CSMD1: variants seen among roughly 807,000 people sequenced by gnomAD.
CSMD1 encodes the protein CUB and Sushi multiple domains 1, also known as CUB and sushi domain-containing protein 1.
In CSMD1, 213 loss-of-function variants were observed where a neutral mutation model predicts 417.5. The observed-to-expected ratio is 0.51, with a 90% confidence interval of 0.46 to 0.57. The LOEUF is 0.57. Among genes scored for constraint, CSMD1 ranks in the 20% least tolerant of loss-of-function variants. CSMD1 has a pLI of 0.00. For synonymous variants in CSMD1, 2,862 were observed against 1,736.8 expected (o/e 1.65, Z -16.11); for missense variants, 6,923 against 4,529.7 (o/e 1.53, Z -15.17).
At chr8:3,731,825 C>T (rs747035575) in intron 6 of CSMD1, among the ~76,000 whole-genome samples, 3 of 152,124 alleles carry the variant, frequency 2.0e-5, no homozygotes, top group South Asian at 4.1e-4. Flanking sequence ...TTACTCCTCA[C>T]CACCCATGAG....
chr8:3,824,495 A>G (rs998537037), intron 5 of CSMD1, among the ~76,000 whole-genome samples: 2 of 152,176 alleles, frequency 1.3e-5, no homozygotes, highest in African/African-American at 2.4e-5. Flanking sequence ...ATTATCCACT[A>G]GCCATAAGCA....
At position 4,845,150 on chromosome 8, in the gene CSMD1, C is replaced by T. The variant is rs560221100; in HGVS notation, c.85+149182G>A. On this transcript the variant is annotated intron_variant, in intron 1 of 69. Coordinates refer to ENST00000635120, the MANE Select transcript of CSMD1 (RefSeq NM_033225.6). Reference sequence around the variant, plus strand: ...ATTAGTATATAAAAATTATCACTAACAATAATCACCTCTTATGAGAAGTAG... The same window carrying T: ...ATTAGTATATAAAAATTATCACTAATAATAATCACCTCTTATGAGAAGTAG... 3.9e-5 allele frequency among the ~76,000 whole-genome samples: 6 copies of T among 152,232 alleles called. No individual in the cohort carries two copies. The South Asian group carries it at 1.0e-3, about 26-fold the overall frequency.
chr8:4,707,531 G>C (rs144844752), intron 1 of CSMD1, among the ~76,000 whole-genome samples: 160 of 152,188 alleles, frequency 1.1e-3, no homozygotes, highest in African/African-American at 3.7e-3. Context: ...GTTAAATGGA[G>C]AGGCCGCTTG....
chr8:3,658,117 T>G (rs190270956), intron 7 of CSMD1, among the ~76,000 whole-genome samples: 261 of 152,150 alleles, frequency 1.7e-3, no homozygotes, highest in African/African-American at 6.0e-3. Context: ...TATCATCAAA[T>G]AAAAAACCAA....
rs58981515 is a variant in CSMD1 at position 2,936,370 on chromosome 8, A to AATATATATAT, written c.*2205_*2214dup. On this transcript the variant is annotated 3_prime_UTR_variant, in exon 70 of 70. Transcript: ENST00000635120. Reference sequence around the variant, plus strand: ...GAATGACTCAAACTTAGATATGTACAATATATATATATATATATGTATGTA... The same window carrying AATATATATAT: ...GAATGACTCAAACTTAGATATGTACAATATATATATATATATATATATATATATGTATGTA... The AATATATATAT allele has an allele frequency of 6.8e-5, 10 of 146,296 alleles. No homozygotes were observed. Among genetic ancestry groups the AATATATATAT allele is most frequent in the African/African-American group, 2.2e-4 (9 of 40,010 alleles). The allele number at this position is 146,296 out of a possible 1,614,324, so 9.1% of individuals were successfully genotyped here. A position where few individuals can be genotyped will look rare whatever the true frequency, so the allele number is the denominator to read the frequency against.
chr8:3,754,600 A>C (rs1797550528), intron 5 of CSMD1, among the ~76,000 whole-genome samples: 1 of 152,164 alleles, frequency 6.6e-6, no homozygotes, highest in South Asian at 2.1e-4. Flanking sequence ...GATTACAGGC[A>C]TGCGCCATCA....
intron 2 of CSMD1, among the ~76,000 whole-genome samples, chr8:4,452,925 T>G (rs540427262): frequency 6.6e-4 from 101 of 152,300 alleles, no homozygotes; most frequent in Non-Finnish European, 1.1e-3. Context: ...GGTAACAGCC[T>G]TTTTATTTTA....
intron 3 of CSMD1, among the ~76,000 whole-genome samples, chr8:4,306,900 A>G (rs1798279092): frequency 6.6e-6 from 1 of 152,104 alleles, no homozygotes. Flanking sequence ...TCCTTACGCT[A>G]AAAATATACT....
intron 23 of CSMD1, among the ~76,000 whole-genome samples, chr8:3,309,618 A>C (rs546209838): frequency 2.0e-5 from 3 of 147,364 alleles, no homozygotes; most frequent in Non-Finnish European, 3.0e-5. Context: ...AATTTTGACA[A>C]TTGTAAAAGG....
intron 11 of CSMD1, among the ~76,000 whole-genome samples, chr8:3,476,173 G>A (rs900407897): frequency 9.2e-5 from 14 of 152,124 alleles, no homozygotes; most frequent in African/African-American, 3.4e-4. Flanking sequence ...CGAGGCCTTG[G>A]CTCAACCAAA....
chr8:3,998,741 C>G (rs761139890), intron 4 of CSMD1, among the ~76,000 whole-genome samples: 5 of 151,856 alleles, frequency 3.3e-5, no homozygotes, highest in African/African-American at 4.8e-5. Flanking sequence ...AAAATAGAAA[C>G]TAACAATTAA....
intron 2 of CSMD1, among the ~76,000 whole-genome samples, chr8:4,616,718 G>T (rs912164296): frequency 6.6e-6 from 1 of 152,128 alleles, no homozygotes; most frequent in Non-Finnish European, 1.5e-5. Context: ...TTATCCAATG[G>T]TGATGATCAT....
At chr8:3,489,714 G>A (rs887507894) in intron 11 of CSMD1, among the ~76,000 whole-genome samples, 1 of 152,140 alleles carries the variant, frequency 6.6e-6, no homozygotes, top group South Asian at 2.1e-4. Flanking sequence ...AACAAAATGA[G>A]AAGTCATTGC....
intron 3 of CSMD1, among the ~76,000 whole-genome samples, chr8:4,241,204 T>C (rs1292909147): frequency 6.6e-6 from 1 of 152,136 alleles, no homozygotes; most frequent in Non-Finnish European, 1.5e-5. Flanking sequence ...TCAAACAAAG[T>C]CCATGACTTG....
intron 41 of CSMD1, among the ~76,000 whole-genome samples, chr8:3,120,705 G>GGC (rs1554431367): frequency 7.9e-5 from 9 of 114,348 alleles, no homozygotes; most frequent in African/African-American, 2.5e-4. Context: ...AAATTAGCCA[G>GGC]GGGGGGTGAC....
chr8:3,527,047 T>C (rs1335203731), intron 10 of CSMD1, among the ~76,000 whole-genome samples: 2 of 151,980 alleles, frequency 1.3e-5, no homozygotes, highest in African/African-American at 2.4e-5. Context: ...AGTTGTCGTA[T>C]GCATGCCGGG....
chr8:4,526,695 G>C (rs1170192166), intron 2 of CSMD1, among the ~76,000 whole-genome samples: 1 of 151,938 alleles, frequency 6.6e-6, no homozygotes, highest in Non-Finnish European at 1.5e-5. Flanking sequence ...AGAAACGTAG[G>C]GTTATTATAA....
intron 12 of CSMD1, among the ~76,000 whole-genome samples, chr8:3,426,750 C>T (rs1247989358): frequency 6.6e-6 from 1 of 152,190 alleles, no homozygotes; most frequent in Non-Finnish European, 1.5e-5. Context: ...GTAGGCCTGA[C>T]ATAAACTAAT....
chr8:4,309,625 G>T (rs1798448115), intron 3 of CSMD1, among the ~76,000 whole-genome samples: 1 of 152,104 alleles, frequency 6.6e-6, no homozygotes, highest in African/African-American at 2.4e-5. Flanking sequence ...CAACTCCCTT[G>T]GGAAGGGGCA....
Sources: gnomAD v4.1 joint callset for allele counts (sites outside exome capture counted in the v4.1 genomes callset) on GRCh38, gnomAD v4.1.1 for gene constraint, MANE v1.5 for transcripts, NCBI Gene and HGNC (gene_info 2026-07-23, HGNC 2026-07-21) for gene names.